Variants in CNTNAP4 observed in about 807,000 individuals in gnomAD.
The protein encoded by CNTNAP4 is contactin associated protein family member 4.
CNTNAP4 carries 98 observed loss-of-function variants against 148.4 expected under a neutral mutation model. That is an observed-to-expected ratio of 0.66 (90% CI 0.56 to 0.78). The LOEUF (loss-of-function observed/expected upper bound fraction) is 0.78. Ranked by LOEUF, CNTNAP4 falls within the 30% of genes least tolerant of loss-of-function variation. The pLI is 0.00. For synonymous variants in CNTNAP4, 730 were observed against 565.1 expected (o/e 1.29, Z -4.14); for missense variants, 1,935 against 1,565.6 (o/e 1.24, Z -3.98).
At chr16:76,483,521 T>G (rs2081917552) in intron 12 of CNTNAP4, among the ~76,000 whole-genome samples, 1 of 152,222 alleles carries the variant, frequency 6.6e-6, no homozygotes, top group Admixed American at 6.5e-5. Context: ...CCAAGAGCAC[T>G]GTAGCTCACG....
At chr16:76,451,804 C>G (rs555830325) in intron 7 of CNTNAP4, among the ~76,000 whole-genome samples, 20 of 152,130 alleles carry the variant, frequency 1.3e-4, no homozygotes, top group African/African-American at 3.9e-4. Context: ...GCAATAAATT[C>G]TAGTTTTCAA....
At chr16:76,475,241 G>A (rs957333548) in intron 10 of CNTNAP4, among the ~76,000 whole-genome samples, 13 of 152,168 alleles carry the variant, frequency 8.5e-5, no homozygotes, top group African/African-American at 3.1e-4. Flanking sequence ...CATGGTACTT[G>A]CTTTTTAAAA....
chr16:76,410,619 A>G (rs2078759163), intron 3 of CNTNAP4, among the ~76,000 whole-genome samples: 1 of 151,760 alleles, frequency 6.6e-6, no homozygotes, highest in Non-Finnish European at 1.5e-5. Context: ...TGTCTTTGTG[A>G]AGAATAGGTT....
intron 3 of CNTNAP4, among the ~76,000 whole-genome samples, chr16:76,414,822 A>G (rs1472758570): frequency 6.6e-6 from 1 of 151,324 alleles, no homozygotes; most frequent in Non-Finnish European, 1.5e-5. Flanking sequence ...TTATCACTCT[A>G]ATGTGTATAG....
At chr16:76,331,629 T>C (rs1209987491) in intron 2 of CNTNAP4, among the ~76,000 whole-genome samples, 2 of 152,190 alleles carry the variant, frequency 1.3e-5, no homozygotes, top group Admixed American at 6.5e-5. Context: ...TTGTATCGCT[T>C]TGTCTCTCCT....
intron 17 of CNTNAP4, among the ~76,000 whole-genome samples, chr16:76,527,953 T>C (rs1343652223): frequency 6.6e-6 from 1 of 152,172 alleles, no homozygotes; most frequent in South Asian, 2.1e-4. Context: ...CATTCTAAGA[T>C]AGATGATGTT....
At chr16:76,464,439 T>C (rs1170752458) in intron 9 of CNTNAP4, among the ~76,000 whole-genome samples, 1 of 152,130 alleles carries the variant, frequency 6.6e-6, no homozygotes, top group African/African-American at 2.4e-5. Flanking sequence ...CTTCCCCCAG[T>C]CCTGGGGAAC....
intron 13 of CNTNAP4, among the ~76,000 whole-genome samples, chr16:76,493,496 T>TA (rs2082296959): frequency 1.3e-5 from 2 of 151,796 alleles, no homozygotes; most frequent in African/African-American, 4.8e-5. Context: ...GTATTTTTTT[T>TA]AAAGTCTTGG....
chr16:76,513,577 T>C (rs373602994), intron 15 of CNTNAP4, among the ~76,000 whole-genome samples: 3 of 152,338 alleles, frequency 2.0e-5, no homozygotes, highest in African/African-American at 7.2e-5. Context: ...TTTAGTCTAA[T>C]ACTTTAATTA....
chr16:76,455,216 T>A (rs2080679411), intron 8 of CNTNAP4, among the ~76,000 whole-genome samples: 1 of 152,166 alleles, frequency 6.6e-6, no homozygotes, highest in Admixed American at 6.5e-5. Context: ...GCAGTACAGT[T>A]TTATGTTCCC....
At chr16:76,488,256 G>C (rs1408851790) in intron 12 of CNTNAP4, among the ~76,000 whole-genome samples, 2 of 152,128 alleles carry the variant, frequency 1.3e-5, no homozygotes, top group South Asian at 2.1e-4. Flanking sequence ...CTGCAACTCA[G>C]ATCTCTTAAT....
chr16:76,427,407 A>G, intron 3 of CNTNAP4, 45 bp from the exon 4 acceptor site: 1 of 1,541,416 alleles, frequency 6.5e-7, no homozygotes, highest in Non-Finnish European at 8.8e-7. Context: ...GCTGAAATGG[A>G]TGTTCTCCAG....
chr16:76,457,827 G>A (rs1263278126), intron 8 of CNTNAP4, among the ~76,000 whole-genome samples: 1 of 151,790 alleles, frequency 6.6e-6, no homozygotes, highest in Non-Finnish European at 1.5e-5. Flanking sequence ...AGATTTGGGG[G>A]TACAAGTGCA....
intron 3 of CNTNAP4, among the ~76,000 whole-genome samples, chr16:76,362,941 G>C (rs990975322): frequency 6.6e-6 from 1 of 151,874 alleles, no homozygotes; most frequent in Non-Finnish European, 1.5e-5. Flanking sequence ...TACACAATGG[G>C]GGCCAGGCAT....
rs187461468 is a variant in CNTNAP4 at position 76,521,952 on chromosome 16, C to A, written c.2537-87C>A. 7.1e-5 allele frequency: 83 copies of A among 1,167,184 alleles called. No individual in the cohort carries two copies. In the African/African-American group the frequency reaches 1.0e-3, roughly 14 times the overall value. 72.3% of individuals were successfully genotyped at this position (1,167,184 alleles called of 1,614,324 possible). On this transcript the variant is annotated intron_variant, in intron 16 of 23. Coordinates refer to ENST00000611870, the MANE Select transcript of CNTNAP4 (RefSeq NM_033401.5). The stretch of plus-strand genomic sequence containing the variant: ...TTATCTTTCTGTTCAGCGATTGTTA[C>A]GCTGTAGTGTGTTCCTAAGTATATT...
chr16:76,364,123 G>A (rs1415301039), intron 3 of CNTNAP4, among the ~76,000 whole-genome samples: 2 of 148,750 alleles, frequency 1.3e-5, no homozygotes, highest in African/African-American at 5.0e-5. Context: ...TGTAATCCCA[G>A]CTACTCTGGA....
At chr16:76,446,597 A>T (rs12595987) in intron 4 of CNTNAP4, among the ~76,000 whole-genome samples, 2 of 152,158 alleles carry the variant, frequency 1.3e-5, no homozygotes, top group Non-Finnish European at 2.9e-5. Flanking sequence ...TGAAAAAAAC[A>T]TGTCAATGTC....
At chr16:76,334,334 C>G (rs910449438) in intron 2 of CNTNAP4, among the ~76,000 whole-genome samples, 2 of 151,968 alleles carry the variant, frequency 1.3e-5, no homozygotes, top group Admixed American at 6.6e-5. Flanking sequence ...AAAGCCCTTC[C>G]CAGTTTTTGC....
At chr16:76,407,677 T>A (rs371831080) in intron 3 of CNTNAP4, among the ~76,000 whole-genome samples, 1 of 152,104 alleles carries the variant, frequency 6.6e-6, no homozygotes, top group East Asian at 1.9e-4. Context: ...TTGCTTCTTA[T>A]GAATGAGAGA....
Sources: gnomAD v4.1 joint callset for allele counts (sites outside exome capture counted in the v4.1 genomes callset) on GRCh38, gnomAD v4.1.1 for gene constraint, MANE v1.5 for transcripts, NCBI Gene and HGNC (gene_info 2026-07-23, HGNC 2026-07-21) for gene names.